Variants in CHCHD3 observed in about 807,000 individuals in gnomAD.
The protein encoded by CHCHD3 is coiled-coil-helix-coiled-coil-helix domain containing 3, also known as MICOS complex subunit MIC19.
Under a neutral mutation model 38.2 loss-of-function variants are expected in CHCHD3, and 20 were observed. That is an observed-to-expected ratio of 0.52 (90% CI 0.37 to 0.76). The LOEUF (loss-of-function observed/expected upper bound fraction) is 0.76, where lower values mean the gene tolerates loss of function less well. Among genes scored for constraint, CHCHD3 ranks in the 30% least tolerant of loss-of-function variants. The pLI is 0.00. For missense variants in CHCHD3, 245 were observed against 279.2 expected (o/e 0.88, Z 0.87); for synonymous variants, 82 against 100.0 (o/e 0.82, Z 1.07).
At chr7:132,828,935 A>G (rs564551199) in intron 6 of CHCHD3, among the ~76,000 whole-genome samples, 1 of 152,350 alleles carries the variant, frequency 6.6e-6, no homozygotes, top group East Asian at 1.9e-4. Flanking sequence ...CATATCTGAC[A>G]TAAGGACAGA....
intron 4 of CHCHD3, among the ~76,000 whole-genome samples, chr7:132,966,205 G>A (rs537081113): frequency 2.6e-5 from 4 of 152,250 alleles, no homozygotes; most frequent in South Asian, 4.2e-4. Flanking sequence ...TTGAGAGAAC[G>A]GAAGCCTTAC....
At chr7:133,055,713 TA>T (rs1044678510) in intron 2 of CHCHD3, among the ~76,000 whole-genome samples, 1 of 151,014 alleles carries the variant, frequency 6.6e-6, no homozygotes, top group African/African-American at 2.4e-5. Context: ...AAAATATAGA[TA>T]AAATGTCATG....
intron 6 of CHCHD3, among the ~76,000 whole-genome samples, chr7:132,819,601 A>G (rs531336483): frequency 1.4e-4 from 22 of 152,284 alleles, no homozygotes; most frequent in Admixed American, 1.2e-3. Context: ...TAAACGGTTC[A>G]CACTTGAGAA....
At chr7:132,849,345 T>C (rs945211033) in intron 5 of CHCHD3, 6 of 152,238 alleles carry the variant, frequency 3.9e-5, no homozygotes, top group Non-Finnish European at 7.3e-5. Flanking sequence ...GCTATTTGTT[T>C]TATGTAAGCA....
chr7:132,916,098 T>A (rs1810099119), intron 4 of CHCHD3, among the ~76,000 whole-genome samples: 1 of 152,126 alleles, frequency 6.6e-6, no homozygotes, highest in Non-Finnish European at 1.5e-5. Context: ...CTACTGACTG[T>A]CTGTTTTTCT....
At chr7:132,870,057 T>C (rs973074963) in intron 5 of CHCHD3, among the ~76,000 whole-genome samples, 6 of 151,704 alleles carry the variant, frequency 4.0e-5, no homozygotes, top group Non-Finnish European at 8.8e-5. Context: ...CATTTCAATA[T>C]AACAAAATAA....
intron 7 of CHCHD3, among the ~76,000 whole-genome samples, chr7:132,795,849 G>A (rs1325199629): frequency 6.6e-6 from 1 of 152,186 alleles, no homozygotes; most frequent in East Asian, 1.9e-4. Context: ...GAAAATGCAC[G>A]TCCTGTGAAC....
intron 7 of CHCHD3, among the ~76,000 whole-genome samples, chr7:132,790,246 A>G (rs1806423832): frequency 6.6e-6 from 1 of 152,232 alleles, no homozygotes; most frequent in South Asian, 2.1e-4. Flanking sequence ...AGTTACAAGT[A>G]ATTAACTGTT....
At chr7:132,941,291 G>C (rs937514733) in intron 4 of CHCHD3, among the ~76,000 whole-genome samples, 14 of 152,140 alleles carry the variant, frequency 9.2e-5, no homozygotes, top group Non-Finnish European at 1.9e-4. Context: ...TGACAGGGTA[G>C]TTCCCTGCAA....
At chr7:133,071,311 A>G (rs982417840) in intron 1 of CHCHD3, among the ~76,000 whole-genome samples, 3 of 152,256 alleles carry the variant, frequency 2.0e-5, no homozygotes, top group African/African-American at 7.2e-5. Context: ...TGTTAAATGA[A>G]TGAATGAAAC....
chr7:133,054,741 T>C (rs117588838), intron 2 of CHCHD3, among the ~76,000 whole-genome samples: 2,695 of 152,280 alleles, frequency 0.018, 36 homozygotes, highest in Non-Finnish European at 0.025. Context: ...CATTTGCCTA[T>C]ACTGGACATT....
intron 2 of CHCHD3, among the ~76,000 whole-genome samples, chr7:133,055,548 TA>T (rs2117509344): frequency 6.8e-6 from 1 of 146,970 alleles, no homozygotes; most frequent in Admixed American, 6.8e-5. Flanking sequence ...TAATTGTTTA[TA>T]ATTATTATGT....
chr7:132,825,153 C>A (rs1485787063), intron 6 of CHCHD3, among the ~76,000 whole-genome samples: 1 of 152,084 alleles, frequency 6.6e-6, no homozygotes, highest in African/African-American at 2.4e-5. Context: ...GCCCATAGAA[C>A]ATGGAACATC....
chr7:133,050,794 C>A, intron 2 of CHCHD3, among the ~76,000 whole-genome samples: 1 of 152,006 alleles, frequency 6.6e-6, no homozygotes, highest in East Asian at 1.9e-4. Context: ...GGAGATAGAC[C>A]ACTTGAGGTC....
chr7:132,902,551 A>G (rs1809696464), intron 4 of CHCHD3, among the ~76,000 whole-genome samples: 1 of 152,206 alleles, frequency 6.6e-6, no homozygotes, highest in South Asian at 2.1e-4. Flanking sequence ...CATCATTCTC[A>G]GCAAACTATC....
intron 2 of CHCHD3, among the ~76,000 whole-genome samples, chr7:133,062,246 T>C (rs1169135156): frequency 2.0e-5 from 3 of 152,114 alleles, no homozygotes. Context: ...CAACTTATTA[T>C]AAGAGATTTG....
At chr7:132,892,783 A>T (rs1272903946) in intron 4 of CHCHD3, among the ~76,000 whole-genome samples, 1 of 152,220 alleles carries the variant, frequency 6.6e-6, no homozygotes, top group African/African-American at 2.4e-5. Flanking sequence ...ACTGCTTCAG[A>T]GGGTGCAAGC....
intron 6 of CHCHD3, among the ~76,000 whole-genome samples, chr7:132,830,399 G>A (rs1336939720): frequency 1.3e-5 from 2 of 152,156 alleles, no homozygotes; most frequent in African/African-American, 4.8e-5. Context: ...TAAAATGGGA[G>A]CCACTATCTT....
intron 6 of CHCHD3, among the ~76,000 whole-genome samples, chr7:132,819,465 T>A (rs1222507722): frequency 6.6e-6 from 1 of 151,798 alleles, no homozygotes; most frequent in Non-Finnish European, 1.5e-5. Context: ...ACTGCAGGAG[T>A]CTAAGTTAAG....
Sources: gnomAD v4.1 joint callset for allele counts (sites outside exome capture counted in the v4.1 genomes callset) on GRCh38, gnomAD v4.1.1 for gene constraint, MANE v1.5 for transcripts, NCBI Gene and HGNC (gene_info 2026-07-23, HGNC 2026-07-21) for gene names.